Variants in MYO9A observed in about 807,000 individuals in gnomAD.
MYO9A encodes the protein myosin IXA.
Under a neutral mutation model 293.3 loss-of-function variants are expected in MYO9A, and 103 were observed. That is an observed-to-expected ratio of 0.35 (90% confidence interval 0.30 to 0.41). The LOEUF is 0.41. MYO9A is among the 10% of genes least tolerant of loss of function. MYO9A has a pLI of 1.00. For missense variants in MYO9A, 2,685 were observed against 3,033.0 expected (o/e 0.89, Z 2.69); for synonymous variants, 1,001 against 1,035.7 (o/e 0.97, Z 0.64).
At chr15:71,896,430 G>A (rs1476542262) in intron 25 of MYO9A, among the ~76,000 whole-genome samples, 1 of 151,784 alleles carries the variant, frequency 6.6e-6, no homozygotes, top group Non-Finnish European at 1.5e-5. Context: ...TTGTTTTTAC[G>A]TACCACTTAA....
chr15:71,911,214 C>T (rs2057840492), intron 19 of MYO9A, among the ~76,000 whole-genome samples: 3 of 152,170 alleles, frequency 2.0e-5, no homozygotes, highest in South Asian at 2.1e-4. Context: ...TTCTAGAACA[C>T]TTAATACATA....
chr15:71,884,426 A>G (rs2056962433), intron 27 of MYO9A, among the ~76,000 whole-genome samples: 1 of 152,168 alleles, frequency 6.6e-6, no homozygotes, highest in African/African-American at 2.4e-5. Context: ...TAATTACAAT[A>G]TCAACTTTGC....
intron 18 of MYO9A, among the ~76,000 whole-genome samples, chr15:71,927,219 ATTAAG>A (rs372978943): frequency 4.6e-5 from 7 of 152,286 alleles, no homozygotes; most frequent in Non-Finnish European, 8.8e-5. Flanking sequence ...CTTTTTTGCT[ATTAAG>A]TTGTTTGGAC....
chr15:72,024,689 G>A (rs916989961), intron 4 of MYO9A, among the ~76,000 whole-genome samples: 3 of 152,156 alleles, frequency 2.0e-5, no homozygotes, highest in Non-Finnish European at 2.9e-5. Flanking sequence ...AACAATTACA[G>A]GACAAAGGAG....
At chr15:72,061,837 C>T (rs2078886819) in intron 1 of MYO9A, among the ~76,000 whole-genome samples, 1 of 152,068 alleles carries the variant, frequency 6.6e-6, no homozygotes, top group African/African-American at 2.4e-5. Flanking sequence ...CTAGGACACT[C>T]AACAAACATC....
intron 5 of MYO9A, 122 bp from the exon 6 acceptor site, chr15:72,019,217 C>A: frequency 1.3e-6 from 1 of 770,846 alleles, no homozygotes; most frequent in Non-Finnish European, 2.2e-6. Context: ...TGCATAGCAG[C>A]ATAAAACAAG....
At chr15:71,998,133 T>C (rs2076752930) in intron 9 of MYO9A, among the ~76,000 whole-genome samples, 1 of 152,086 alleles carries the variant, frequency 6.6e-6, no homozygotes, top group South Asian at 2.1e-4. Context: ...TGGAATACAA[T>C]GCAGCATAAA....
chr15:71,989,440 G>T (rs1371980094), intron 11 of MYO9A, among the ~76,000 whole-genome samples: 1 of 152,126 alleles, frequency 6.6e-6, no homozygotes, highest in African/African-American at 2.4e-5. Context: ...ATCCACAGAT[G>T]CGCAAGTCTC....
chr15:71,939,435 A>C (rs1351933412), intron 15 of MYO9A, among the ~76,000 whole-genome samples: 1 of 152,202 alleles, frequency 6.6e-6, no homozygotes, highest in Non-Finnish European at 1.5e-5. Context: ...GCTCCCACTT[A>C]TAAGTGAGAA....
intron 1 of MYO9A, among the ~76,000 whole-genome samples, chr15:72,052,886 T>A: frequency 6.6e-6 from 1 of 152,154 alleles, no homozygotes; most frequent in South Asian, 2.1e-4. Flanking sequence ...AGCCTGCCAT[T>A]CAGAGTGATC....
In MYO9A at chr15:71,841,914, G is replaced by A. The variant is rs145695353; in HGVS notation, c.6837+6931C>T. Among the ~76,000 whole-genome samples, 322 of 151,774 alleles carry A rather than the reference G, an allele frequency of 2.1e-3. 4 individuals carry two copies. The highest frequency in any genetic ancestry group is 7.5e-3 in the African/African-American group (309 of 41,342). On this transcript the variant is annotated intron_variant, in intron 39 of 41. Coordinates refer to ENST00000356056, the MANE Select transcript of MYO9A (RefSeq NM_006901.4). ...ACATGCCTTGGTCTCCCAAAGTGCC[G>A]GTGATATTTTAACCTAGGATTTTTG...
intron 26 of MYO9A, chr15:71,892,717 A>G: frequency 8.0e-6 from 2 of 249,132 alleles, no homozygotes; most frequent in South Asian, 1.0e-4. Context: ...ACCTTTTAGG[A>G]TACAACATGG....
At chr15:71,978,353 A>G in intron 11 of MYO9A, 61 bp from the exon 12 acceptor site, 3 of 1,415,940 alleles carry the variant, frequency 2.1e-6, no homozygotes, top group Non-Finnish European at 2.9e-6. Context: ...GGTATATAAT[A>G]TAGATTGAAA....
At position 71,973,239 on chromosome 15, in the gene MYO9A, C is replaced by T. The variant is rs377456553; in HGVS notation, c.1844+4932G>A. Among the ~76,000 whole-genome samples, 14 of 152,220 alleles carry T rather than the reference C, an allele frequency of 9.2e-5. No individual in the cohort carries two copies. The East Asian group carries it at 1.9e-3, about 21-fold the overall frequency. ...GCAAAACGAAGTAACTGCACCCCAC[C>T]CCACCTTCAGACACCAGCCAATAAT... On this transcript the variant is annotated intron_variant, in intron 12 of 41. Coordinates refer to ENST00000356056, the MANE Select transcript of MYO9A (RefSeq NM_006901.4).
At position 71,999,845 on chromosome 15, in the gene MYO9A, T is replaced by C; in HGVS notation, c.1470+6A>G. On this transcript the variant is annotated splice_donor_region_variant and intron_variant, in intron 9 of 41. Coordinates refer to ENST00000356056, the MANE Select transcript of MYO9A (RefSeq NM_006901.4). The stretch of plus-strand genomic sequence containing the variant: ...ATGCTTTCATTTCAAAGAAAATCCA[T>C]CATACCTCTGCCAACTTGTATGGCA... 1.9e-6 allele frequency: 3 copies of C among 1,609,728 alleles called. No individual in the cohort carries two copies. Among genetic ancestry groups the C allele is most frequent in the South Asian group, 2.2e-5 (2 of 90,458 alleles).
intron 14 of MYO9A, chr15:71,959,069 T>A (rs921342094): frequency 6.6e-6 from 1 of 152,212 alleles, no homozygotes; most frequent in Non-Finnish European, 1.5e-5. Flanking sequence ...TCCTTAAAGC[T>A]TTTTACAAAG....
intron 18 of MYO9A, among the ~76,000 whole-genome samples, chr15:71,928,407 G>T (rs563759474): frequency 6.6e-6 from 1 of 151,802 alleles, no homozygotes; most frequent in African/African-American, 2.4e-5. Context: ...TTTTGTTCAA[G>T]ATTGCTTTGG....
Position 71,878,026 on chromosome 15 carries a change from T to G in MYO9A, c.5931+14A>C, listed in dbSNP as rs756502412. ...AATTAAATCCTTTAAGTAATCAAAA[T>G]ATATCACATTTACCTTTGTGGCTGT... On this transcript the variant is annotated intron_variant, in intron 31 of 41. Coordinates refer to ENST00000356056, the MANE Select transcript of MYO9A (RefSeq NM_006901.4). The G allele has an allele frequency of 1.3e-6, 2 of 1,559,556 alleles. No homozygotes were observed. Among genetic ancestry groups the G allele is most frequent in the African/African-American group, 2.8e-5 (2 of 71,940 alleles).
chr15:71,951,587 AG>A (rs2059051844), intron 15 of MYO9A, 189 bp downstream of exon 15: 1 of 537,688 alleles, frequency 1.9e-6, no homozygotes, highest in African/African-American at 2.0e-5. Context: ...AAGTCACCAA[AG>A]TTAAAAAAGT....
Sources: gnomAD v4.1 joint callset for allele counts (sites outside exome capture counted in the v4.1 genomes callset) on GRCh38, gnomAD v4.1.1 for gene constraint, MANE v1.5 for transcripts, NCBI Gene and HGNC (gene_info 2026-07-23, HGNC 2026-07-21) for gene names.